The following ACVRL1 variants were observed in gnomAD, a reference collection of about 807,000 sequenced individuals.
ACVRL1 encodes the protein activin receptor type-1-like.
In ACVRL1, 20 loss-of-function variants were observed where a neutral mutation model predicts 51.9. That is an observed-to-expected ratio of 0.39 (90% CI 0.27 to 0.56). The LOEUF (loss-of-function observed/expected upper bound fraction) is 0.56, where lower values mean the gene tolerates loss of function less well. ACVRL1 is among the 20% of genes least tolerant of loss of function. ACVRL1 has a pLI of 0.67. For missense variants in ACVRL1, 451 were observed against 670.3 expected (o/e 0.67, Z 3.61); for synonymous variants, 288 against 280.9 (o/e 1.03, Z -0.25).
Position 51,921,044 on chromosome 12 carries a change from C to A in ACVRL1, c.*151C>A. The A allele has an allele frequency of 1.1e-6, 1 of 942,928 alleles. No homozygotes were observed. Among genetic ancestry groups the A allele is most frequent in the Non-Finnish European group, 1.6e-6 (1 of 618,924 alleles). The allele number at this position is 942,928 out of a possible 1,614,324, so 58.4% of individuals were successfully genotyped here. A position where few individuals can be genotyped will look rare whatever the true frequency, so the allele number is the denominator to read the frequency against. Reference sequence around the variant, plus strand: ...CTGCTCGGCCCCCAGCCCACCCAGCCAAAAATACAGCTGGGCTGAAACCTG... The same window carrying A: ...CTGCTCGGCCCCCAGCCCACCCAGCAAAAAATACAGCTGGGCTGAAACCTG... On this transcript the variant is annotated 3_prime_UTR_variant, in exon 10 of 10. Coordinates refer to ENST00000388922, the MANE Select transcript of ACVRL1 (RefSeq NM_000020.3).
chr12:51,919,242 C>T, intron 9 of ACVRL1, 127 bp downstream of exon 9: 1 of 1,395,380 alleles, frequency 7.2e-7, no homozygotes, highest in Non-Finnish European at 9.9e-7. Context: ...GTTAGGGCAC[C>T]TCTCTAGGTA....
chr12:51,913,202 G>C lies in ACVRL1; in HGVS notation c.165G>C (p.Leu55=). 6.3e-7 allele frequency: 1 copy of C among 1,592,750 alleles called. No homozygotes were observed. Among genetic ancestry groups the C allele is most frequent in the Non-Finnish European group, 8.5e-7 (1 of 1,170,706 alleles). ...GGGGGGCCTGGTGCACAGTAGTGCTGGTGCGGGAGGAGGGGAGGCACCCCC... is the reference window on the plus strand; with the variant it reads ...GGGGGGCCTGGTGCACAGTAGTGCTCGTGCGGGAGGAGGGGAGGCACCCCC... ...TCRGAWCTVV[L]VREEGRHPQE... Residue 55 remains leucine, a synonymous_variant, in exon 3 of 10, where the codon CTG becomes CTC. Coordinates refer to ENST00000388922, the MANE Select transcript of ACVRL1 (RefSeq NM_000020.3).
intron 1 of ACVRL1, among the ~76,000 whole-genome samples, chr12:51,908,518 A>G (rs965624939): frequency 1.3e-5 from 2 of 152,280 alleles, no homozygotes; most frequent in Admixed American, 6.5e-5. Context: ...TTAGATATAT[A>G]TATTTTTTCT....
rs145615575 is a variant in ACVRL1 at position 51,912,443 on chromosome 12, C to T, written c.-5-27C>T. ...CGGCTGTCACACTTCATGGCTCTTACTCCACCTCTCTTGCTCCTCTCTGCA... is the reference window on the plus strand; with the variant it reads ...CGGCTGTCACACTTCATGGCTCTTATTCCACCTCTCTTGCTCCTCTCTGCA... On this transcript the variant is annotated intron_variant, in intron 1 of 9. Coordinates refer to ENST00000388922, the MANE Select transcript of ACVRL1 (RefSeq NM_000020.3). 180 of 1,613,248 alleles carry T rather than the reference C, an allele frequency of 1.1e-4. 1 individual carries two copies. The African/African-American group carries it at 1.7e-3, about 16-fold the overall frequency.
intron 6 of ACVRL1, 69 bp downstream of exon 6, chr12:51,914,654 G>T: frequency 6.5e-7 from 1 of 1,543,782 alleles, no homozygotes; most frequent in Non-Finnish European, 8.8e-7. Flanking sequence ...CAAGTTTGCA[G>T]ACCTCCAGAC....
chr12:51,914,237 T>C lies in ACVRL1; in HGVS notation c.625+164T>C, dbSNP rs77709482. Reference sequence around the variant, plus strand: ...CTGGAGACGGGCCAGGGCTAGGTTCTTCTTTCTGCAGGACCGGGGTGGAAC... The same window carrying C: ...CTGGAGACGGGCCAGGGCTAGGTTCCTCTTTCTGCAGGACCGGGGTGGAAC... On this transcript the variant is annotated intron_variant, in intron 5 of 9. Transcript: ENST00000388922. 0.079 allele frequency among the ~76,000 whole-genome samples: 12,017 copies of C among 152,164 alleles called. 502 individuals are homozygous for C. The highest frequency in any genetic ancestry group is 0.095 in the East Asian group (489 of 5,152).
intron 8 of ACVRL1, among the ~76,000 whole-genome samples, chr12:51,918,427 C>T (rs909577875): frequency 1.3e-5 from 2 of 152,228 alleles, no homozygotes; most frequent in African/African-American, 4.8e-5. Flanking sequence ...TTACCTACCT[C>T]ATAGGGCTGC....
chr12:51,919,878 T>C (rs1940929408), intron 9 of ACVRL1, among the ~76,000 whole-genome samples: 1 of 152,228 alleles, frequency 6.6e-6, no homozygotes, highest in African/African-American at 2.4e-5. Flanking sequence ...GCCAGACTGT[T>C]GGCCCCGTGA....
At chr12:51,913,016 G>A in intron 2 of ACVRL1, 83 bp from the exon 3 acceptor site, 1 of 1,548,138 alleles carries the variant, frequency 6.5e-7, no homozygotes, top group Non-Finnish European at 8.7e-7. Flanking sequence ...TCAGACGAGA[G>A]GGACAGTAGG....
Position 51,920,830 on chromosome 12 carries a change from G to C in ACVRL1, c.1449G>C (p.Leu483=). The C allele has an allele frequency of 6.2e-7, 1 of 1,613,962 alleles. No homozygotes were observed. Among genetic ancestry groups the C allele is most frequent in the Non-Finnish European group, 8.5e-7 (1 of 1,179,992 alleles). The change falls in exon 10 of 10, where the codon CTG becomes CTC. Residue 483 remains leucine, a synonymous_variant. Transcript: ENST00000388922. ...ACCCCTCTGCCCGACTCACCGCGCT[G>C]CGGATCAAGAAGACACTACAAAAAA... ...YPNPSARLTA[L]RIKKTLQKIS...
intron 6 of ACVRL1, among the ~76,000 whole-genome samples, 186 bp from the exon 7 acceptor site, chr12:51,915,039 A>G (rs1940796731): frequency 6.6e-6 from 1 of 152,120 alleles, no homozygotes; most frequent in Non-Finnish European, 1.5e-5. Flanking sequence ...CCACTAAGCC[A>G]GGCCCAGACC....
Position 51,917,788 on chromosome 12 carries a change from C to A in ACVRL1, c.1247-1197C>A, listed in dbSNP as rs1200849547. ...GGGGGAAAGAGGAACCTGGAAGAAG[C>A]CAAGGCTCCTTGGACCAGGCTGCAG... is the stretch of plus-strand genomic sequence containing the variant. On this transcript the variant is annotated intron_variant, in intron 8 of 9. Coordinates refer to ENST00000388922, the MANE Select transcript of ACVRL1 (RefSeq NM_000020.3). The surrounding 1 kb of genome is among the most constrained non-coding windows in gnomAD (Gnocchi z 4.2). 6.6e-6 allele frequency among the ~76,000 whole-genome samples: 1 copy of A among 152,116 alleles called. No individual in the cohort carries two copies. Among genetic ancestry groups the A allele is most frequent in the Non-Finnish European group, 1.5e-5 (1 of 68,024 alleles).
At position 51,920,770 on chromosome 12, in the gene ACVRL1, C is replaced by T; in HGVS notation, c.1389C>T (p.Gly463=). ...CTCCCAACCCCCAGGTCCTCTCAGGCCTAGCTCAGATGATGCGGGAGTGCT... is the reference window on the plus strand; with the variant it reads ...CTCCCAACCCCCAGGTCCTCTCAGGTCTAGCTCAGATGATGCGGGAGTGCT... ...NRLAADPVLS[G]LAQMMRECWY... The change falls in exon 10 of 10, where the codon GGC becomes GGT. Residue 463 remains glycine (G), a synonymous_variant. Coordinates refer to ENST00000388922, the MANE Select transcript of ACVRL1 (RefSeq NM_000020.3). 1 of 1,613,838 alleles carries T rather than the reference C, an allele frequency of 6.2e-7. No homozygotes were observed.
intron 1 of ACVRL1, among the ~76,000 whole-genome samples, chr12:51,908,327 A>C (rs897717092): frequency 3.3e-5 from 5 of 152,154 alleles, no homozygotes; most frequent in African/African-American, 1.2e-4. Context: ...TGGCTGCCCC[A>C]GCTCCTCTTT....
At chr12:51,918,569 A>G (rs1940896756) in intron 8 of ACVRL1, among the ~76,000 whole-genome samples, 1 of 152,176 alleles carries the variant, frequency 6.6e-6, no homozygotes, top group Non-Finnish European at 1.5e-5. Context: ...GGTGGAAGGC[A>G]GCTGAGGGAA....
At position 51,913,254 on chromosome 12, in the gene ACVRL1, C is replaced by G. The variant is rs1210200256; in HGVS notation, c.217C>G (p.His73Asp). 1.9e-6 allele frequency: 3 copies of G among 1,594,576 alleles called. No individual in the cohort carries two copies. The highest frequency in any genetic ancestry group is 2.3e-5 in the South Asian group (2 of 88,358). ...GGAACATCGGGGCTGCGGGAACTTG[C>G]ACAGGGAGCTCTGCAGGGGGCGCCC... ...PQEHRGCGNLHRELCRGRPTE... is the reference protein window; with the variant it reads ...PQEHRGCGNLDRELCRGRPTE... Residue 73 changes from histidine (H) to aspartate (D), a missense_variant, in exon 3 of 10, where the codon CAC (histidine) becomes GAC (aspartate). By Grantham distance (81) the His-to-Asp change is moderately conservative. Transcript: ENST00000388922.
At chr12:51,911,869 G>T (rs1940696823) in intron 1 of ACVRL1, among the ~76,000 whole-genome samples, 1 of 152,188 alleles carries the variant, frequency 6.6e-6, no homozygotes. Flanking sequence ...AGACCTTGTG[G>T]CTGCTGCAGC....
Position 51,920,941 on chromosome 12 carries a change from G to GGGGGGGGGGGGGGGGGGGGGC in ACVRL1, c.*52_*53insGGGGGGGGGGGGGGGGCGGGG. ...CTGCCTGCAGGGGGCTGGGGGGGTG[G>GGGGGGGGGGGGGGGGGGGGGC]GGGGCAGTGGATGGTGCCCTATCTG... On this transcript the variant is annotated 3_prime_UTR_variant, in exon 10 of 10. Transcript: ENST00000388922. 1 of 624,790 alleles carries GGGGGGGGGGGGGGGGGGGGGC rather than the reference G, an allele frequency of 1.6e-6. No individual in the cohort carries two copies. Among genetic ancestry groups the GGGGGGGGGGGGGGGGGGGGGC allele is most frequent in the Non-Finnish European group, 3.0e-6 (1 of 338,010 alleles). The allele number at this position is 624,790 out of a possible 1,614,324, so 38.7% of individuals were successfully genotyped here. A position where few individuals can be genotyped will look rare whatever the true frequency, so the allele number is the denominator to read the frequency against.
chr12:51,915,418 C>G lies in ACVRL1; in HGVS notation c.966C>G (p.Gly322=). The G allele has an allele frequency of 6.2e-7, 1 of 1,613,572 alleles. No individual in the cohort carries two copies. Among genetic ancestry groups the G allele is most frequent in the Non-Finnish European group, 8.5e-7 (1 of 1,179,990 alleles). The change falls in exon 7 of 10, where the codon GGC becomes GGG. Residue 322 remains glycine (G), a synonymous_variant. Transcript: ENST00000388922. The part of the protein sequence containing the change: ...HLHVEIFGTQ[G]KPAIAHRDFK... Reference sequence around the variant, plus strand: ...ACGTGGAGATCTTCGGTACACAGGGCAAACCAGCCATTGCCCACCGCGACT... The same window carrying G: ...ACGTGGAGATCTTCGGTACACAGGGGAAACCAGCCATTGCCCACCGCGACT...
Sources: allele counts gnomAD v4.1 joint callset (sites outside exome capture counted in the v4.1 genomes callset), GRCh38; gene constraint gnomAD v4.1.1; non-coding constraint Gnocchi (gnomAD v3.1); transcripts MANE v1.5; gene names NCBI Gene and HGNC (gene_info 2026-07-23, HGNC 2026-07-21).